The following RBFOX1 variants were observed in gnomAD, a reference collection of about 807,000 sequenced individuals.
RBFOX1 encodes the protein RNA binding protein fox-1 homolog 1.
RBFOX1 carries 8 observed loss-of-function variants against 57.7 expected under a neutral mutation model. The ratio of observed to expected loss-of-function variants is 0.14; its 90% CI spans 0.08 to 0.25. RBFOX1 has a LOEUF of 0.25. RBFOX1 is among the 10% of genes least tolerant of loss of function. The probability of loss-of-function intolerance (pLI) is 1.00; values close to 1 mark genes in which losing one functional copy is unlikely to be tolerated. For missense variants in RBFOX1, 611 were observed against 548.5 expected, an observed-to-expected ratio of 1.11 and a Z score of -1.14; for synonymous variants, 326 against 222.4, an observed-to-expected ratio of 1.47 and a Z score of -4.15.
intron 3 of RBFOX1, among the ~76,000 whole-genome samples, chr16:6,920,548 GCTTGAAACAA>G (rs2074243768): frequency 6.6e-6 from 1 of 152,220 alleles, no homozygotes; most frequent in African/African-American, 2.4e-5. Flanking sequence ...CTAGTGGCAG[GCTTGAAACAA>G]CAGAAATTTA....
chr16:7,671,181 T>G (rs1430682383), intron 13 of RBFOX1, among the ~76,000 whole-genome samples: 2 of 152,224 alleles, frequency 1.3e-5, no homozygotes, highest in Non-Finnish European at 2.9e-5. Context: ...CTTAAATCCT[T>G]AGATATTCCA....
intron 4 of RBFOX1, among the ~76,000 whole-genome samples, chr16:7,059,534 T>C (rs1212007560): frequency 6.6e-6 from 1 of 152,192 alleles, no homozygotes; most frequent in African/African-American, 2.4e-5. Flanking sequence ...AAATAATCAT[T>C]GACAACCATT....
chr16:6,539,328 A>G (rs1312391335), intron 2 of RBFOX1, among the ~76,000 whole-genome samples: 3 of 152,212 alleles, frequency 2.0e-5, no homozygotes, highest in East Asian at 3.9e-4. Flanking sequence ...TAGTACTTAC[A>G]GAAATGGCTA....
At chr16:6,965,688 T>G (rs1459291003) in intron 3 of RBFOX1, among the ~76,000 whole-genome samples, 2 of 152,230 alleles carry the variant, frequency 1.3e-5, no homozygotes, top group African/African-American at 2.4e-5. Flanking sequence ...AGTGACTATA[T>G]TATCTGAACT....
chr16:7,616,588 GTC>G (rs1363538817), intron 10 of RBFOX1, among the ~76,000 whole-genome samples: 3 of 152,320 alleles, frequency 2.0e-5, no homozygotes, highest in Admixed American at 2.0e-4. Flanking sequence ...TTGGGATGGA[GTC>G]TCTCACTCTG....
chr16:7,062,893 A>ATTTTTTTTTTTTTTTTTTTTTT (rs1170936027), intron 4 of RBFOX1, among the ~76,000 whole-genome samples: 1 of 47,256 alleles, frequency 2.1e-5, no homozygotes, highest in African/African-American at 9.2e-5. Flanking sequence ...AATGATCGCC[A>ATTTTTTTTTTTTTTTTTTTTTT]TTTTTTTTTT....
chr16:5,692,656 T>G (rs995862107), intron 3 of RBFOX1, among the ~76,000 whole-genome samples: 1 of 152,132 alleles, frequency 6.6e-6, no homozygotes, highest in African/African-American at 2.4e-5. Context: ...CACTCCTACG[T>G]AGGGACCAGA....
At chr16:7,247,289 A>C (rs2094340542) in intron 4 of RBFOX1, among the ~76,000 whole-genome samples, 1 of 152,198 alleles carries the variant, frequency 6.6e-6, no homozygotes, top group African/African-American at 2.4e-5. Context: ...GCTGCCGGTT[A>C]ACATTCCTTA....
intron 9 of RBFOX1, among the ~76,000 whole-genome samples, chr16:7,599,329 T>A (rs1033351713): frequency 6.6e-6 from 1 of 152,238 alleles, no homozygotes; most frequent in African/African-American, 2.4e-5. Context: ...GACTAGCTGC[T>A]CATGTGTGCT....
intron 4 of RBFOX1, among the ~76,000 whole-genome samples, chr16:5,927,065 C>G (rs1016662114): frequency 1.3e-5 from 2 of 152,146 alleles, no homozygotes; most frequent in Admixed American, 6.5e-5. Flanking sequence ...TGATTTTTGA[C>G]ATATTTTTAT....
intron 2 of RBFOX1, among the ~76,000 whole-genome samples, chr16:6,367,034 C>G (rs1209473094): frequency 6.6e-6 from 1 of 152,192 alleles, no homozygotes; most frequent in African/African-American, 2.4e-5. Flanking sequence ...GTGCTTCACA[C>G]TATTTTCTTC....
chr16:6,839,052 T>G (rs985134117), intron 3 of RBFOX1, among the ~76,000 whole-genome samples: 1 of 152,024 alleles, frequency 6.6e-6, no homozygotes, highest in African/African-American at 2.4e-5. Flanking sequence ...TGCTGTGATC[T>G]TGGCTCCCTG....
chr16:5,852,293 G>A (rs997372394), intron 3 of RBFOX1, among the ~76,000 whole-genome samples: 5 of 152,152 alleles, frequency 3.3e-5, no homozygotes, highest in African/African-American at 1.2e-4. Context: ...GAGCTGAGAT[G>A]TGGCTTTTGA....
chr16:6,862,535 T>A (rs540047881), intron 3 of RBFOX1, among the ~76,000 whole-genome samples: 24 of 152,334 alleles, frequency 1.6e-4, no homozygotes, highest in African/African-American at 5.8e-4. Context: ...ATGGAGGTGA[T>A]ACTTAACCAG....
chr16:6,153,139 A>C (rs192613637), intron 1 of RBFOX1, among the ~76,000 whole-genome samples: 27 of 149,110 alleles, frequency 1.8e-4, no homozygotes, highest in Admixed American at 8.1e-4. Flanking sequence ...GTGACTCCTG[A>C]GACTTTGGTG....
intron 4 of RBFOX1, among the ~76,000 whole-genome samples, chr16:7,053,078 G>T (rs915641362): frequency 2.0e-5 from 3 of 152,132 alleles, no homozygotes; most frequent in Non-Finnish European, 4.4e-5. Flanking sequence ...ACACTGCCCT[G>T]TAACTTTTCA....
At chr16:6,660,729 A>G (rs1467101008) in intron 3 of RBFOX1, among the ~76,000 whole-genome samples, 1 of 151,822 alleles carries the variant, frequency 6.6e-6, no homozygotes, top group Non-Finnish European at 1.5e-5. Context: ...TACCTGGCAC[A>G]AAATAAGAAC....
chr16:7,122,902 G>C (rs1245152689), intron 4 of RBFOX1, among the ~76,000 whole-genome samples: 2 of 152,078 alleles, frequency 1.3e-5, no homozygotes, highest in Non-Finnish European at 2.9e-5. Flanking sequence ...GTGACAACTT[G>C]GATCTATTTC....
At chr16:7,304,216 G>GAGAGAGAGAC (rs1456768756) in intron 4 of RBFOX1, 4 of 10,480 alleles carry the variant, frequency 3.8e-4, no homozygotes, top group African/African-American at 8.6e-4. Flanking sequence ...GAGAGAGACA[G>GAGAGAGAGAC]AGAGAGAGAG....
Sources: allele counts gnomAD v4.1 joint callset (sites outside exome capture counted in the v4.1 genomes callset), GRCh38; gene constraint gnomAD v4.1.1; transcripts MANE v1.5; gene names NCBI Gene and HGNC (gene_info 2026-07-23, HGNC 2026-07-21).